The following DPRX variants were observed in gnomAD, a reference collection of about 807,000 sequenced individuals.
DPRX encodes the protein divergent paired-related homeobox.
Under a neutral mutation model 8.4 loss-of-function variants are expected in DPRX, and 11 were observed. The ratio of observed to expected loss-of-function variants is 1.31; its 90% CI spans 0.82 to 2.17. The LOEUF (loss-of-function observed/expected upper bound fraction) is 2.17. Ranked by LOEUF, DPRX falls within the 30% of genes most tolerant of loss-of-function variation. The probability of loss-of-function intolerance (pLI) is 0.00; values close to 1 mark genes in which losing one functional copy is unlikely to be tolerated. For missense variants in DPRX, 211 were observed against 236.7 expected, an observed-to-expected ratio of 0.89 and a Z score of 0.71; for synonymous variants, 72 against 87.0, an observed-to-expected ratio of 0.83 and a Z score of 0.96.
At chr19:53,627,439 CT>C (rs1030412694), upstream of DPRX, among the ~76,000 whole-genome samples, 44 of 66,264 alleles carry the variant, frequency 6.6e-4, no homozygotes, top group South Asian at 2.7e-3. Flanking sequence ...TTCTTTCTTT[CT>C]TTTTTTTTTT....
chr19:53,632,003 G>A, upstream of DPRX: 1 of 1,508,008 alleles, frequency 6.6e-7, no homozygotes, highest in Admixed American at 1.7e-5. Context: ...GGTGGAGGAG[G>A]TGGGAGTCGG....
chr19:53,611,151 C>T, the DPRX span, among the ~76,000 whole-genome samples: 2 of 152,134 alleles, frequency 1.3e-5, no homozygotes, highest in African/African-American at 4.8e-5. Flanking sequence ...ATCCAACTGC[C>T]TCGGCCTCTG....
the DPRX span, among the ~76,000 whole-genome samples, chr19:53,624,942 C>A: frequency 1.3e-5 from 2 of 151,166 alleles, no homozygotes; most frequent in Non-Finnish European, 2.9e-5. Context: ...ACAGGAAGCA[C>A]AAATCAATCA....
At chr19:53,601,757 C>G in the DPRX span, among the ~76,000 whole-genome samples, 2 of 152,124 alleles carry the variant, frequency 1.3e-5, no homozygotes, top group Non-Finnish European at 2.9e-5. Context: ...GCTGGGATTA[C>G]AGGTGTGAGC....
At chr19:53,631,035 T>C (rs2091090593), upstream of DPRX, among the ~76,000 whole-genome samples, 1 of 151,702 alleles carries the variant, frequency 6.6e-6, no homozygotes, top group Non-Finnish European at 1.5e-5. Context: ...TTAGTAGAGA[T>C]GGGGTTTCGC....
At chr19:53,617,278 G>C in the DPRX span, 2 of 714,480 alleles carry the variant, frequency 2.8e-6, no homozygotes, top group Non-Finnish European at 5.2e-6. Flanking sequence ...AAGAAATCAG[G>C]CTGGGTGCAG....
At chr19:53,609,490 A>C in the DPRX span, among the ~76,000 whole-genome samples, 2 of 148,308 alleles carry the variant, frequency 1.3e-5, no homozygotes, top group Admixed American at 6.7e-5. Flanking sequence ...AAAAAAAAAA[A>C]AAAAAAACAA....
At chr19:53,616,851 C>A in the DPRX span, 9 of 1,600,180 alleles carry the variant, frequency 5.6e-6, no homozygotes, top group Non-Finnish European at 7.7e-6. Context: ...AATGTCCCAA[C>A]CTGAAGCTGA....
the DPRX span, among the ~76,000 whole-genome samples, chr19:53,608,115 G>A: frequency 6.8e-6 from 1 of 146,948 alleles, no homozygotes; most frequent in Non-Finnish European, 1.5e-5. Context: ...GAGGTTGCAT[G>A]AGCCGAGATC....
the DPRX span, among the ~76,000 whole-genome samples, chr19:53,622,242 C>A: frequency 6.6e-6 from 1 of 152,124 alleles, no homozygotes; most frequent in Non-Finnish European, 1.5e-5. Context: ...TTCAGCAGGA[C>A]ATACTTGTTC....
At chr19:53,625,462 C>T in the DPRX span, among the ~76,000 whole-genome samples, 11 of 152,110 alleles carry the variant, frequency 7.2e-5, no homozygotes, top group East Asian at 1.4e-3. Context: ...ACCCTGCTAC[C>T]GCGTCTCTGT....
In DPRX at chr19:53,636,936, G is replaced by T. The variant is rs747577055; in HGVS notation, c.524G>T (p.Ser175Ile). ...TTGGAATCCCAAGTTTGCGCTCCAA[G>T]CTTCCATTCTGGCTCTCCTGCCTGT... Residue 175 changes from serine to isoleucine, a missense_variant, in exon 3 of 3, where the codon AGC becomes ATC. Transcript: ENST00000376650. The T allele has an allele frequency of 1.9e-6, 3 of 1,613,210 alleles. No individual in the cohort carries two copies. The South Asian group carries it at 3.3e-5, about 18-fold the overall frequency.
exon 2 of DPRX, chr19:53,634,676 A>G (rs1319831666): frequency 6.2e-7 from 1 of 1,609,454 alleles, no homozygotes; most frequent in Admixed American, 1.7e-5. Flanking sequence ...TACACCCAAC[A>G]GTACTGCAGG....
chr19:53,611,655 C>T, the DPRX span, among the ~76,000 whole-genome samples: 1 of 152,128 alleles, frequency 6.6e-6, no homozygotes, highest in Non-Finnish European at 1.5e-5. Flanking sequence ...AGAAGAATAA[C>T]ACGAACACAC....
the DPRX span, among the ~76,000 whole-genome samples, chr19:53,617,864 G>T: frequency 2.6e-5 from 4 of 152,044 alleles, no homozygotes; most frequent in Non-Finnish European, 5.9e-5. Flanking sequence ...TACAAGCCAG[G>T]CGCGGTGGCT....
the DPRX span, among the ~76,000 whole-genome samples, chr19:53,603,001 G>A: frequency 2.9e-5 from 4 of 139,192 alleles, no homozygotes; most frequent in African/African-American, 5.3e-5. Context: ...GTGTGTATAT[G>A]TATGTGTGTG....
the DPRX span, among the ~76,000 whole-genome samples, chr19:53,616,398 G>A: frequency 6.6e-6 from 1 of 152,056 alleles, no homozygotes; most frequent in African/African-American, 2.4e-5. Context: ...ATATAGCATG[G>A]GGTGGAGGTC....
the DPRX span, among the ~76,000 whole-genome samples, chr19:53,625,844 G>T: frequency 6.6e-6 from 1 of 151,844 alleles, no homozygotes; most frequent in African/African-American, 2.4e-5. Flanking sequence ...CACCATGTTG[G>T]CCAGGCTGGT....
chr19:53,633,443 C>G (rs947387685), intron 1 of DPRX, among the ~76,000 whole-genome samples: 1 of 152,118 alleles, frequency 6.6e-6, no homozygotes, highest in Admixed American at 6.6e-5. Flanking sequence ...TTGCCTATTT[C>G]TACACAAAGA....
Sources: allele counts gnomAD v4.1 joint callset (sites outside exome capture counted in the v4.1 genomes callset), GRCh38; gene constraint gnomAD v4.1.1; transcripts MANE v1.5; gene names NCBI Gene and HGNC (gene_info 2026-07-23, HGNC 2026-07-21).